The following YWHAQ variants were observed in gnomAD, a reference collection of about 807,000 sequenced individuals.
YWHAQ encodes tyrosine 3-monooxygenase/tryptophan 5-monooxygenase activation protein theta.
YWHAQ carries 6 observed loss-of-function variants against 28.3 expected under a neutral mutation model. The observed-to-expected ratio is 0.21, with a 90% CI of 0.12 to 0.42. The LOEUF is 0.42. Ranked by LOEUF, YWHAQ falls within the 10% of genes least tolerant of loss-of-function variation. The pLI, the probability that YWHAQ is intolerant of heterozygous loss-of-function variation, is 1.00. For synonymous variants in YWHAQ, 143 were observed against 119.1 expected (o/e 1.20, Z -1.31); for missense variants, 201 against 305.6 (o/e 0.66, Z 2.55).
intron 2 of YWHAQ, among the ~76,000 whole-genome samples, chr2:9,614,223 T>C (rs1433352003): frequency 6.6e-6 from 1 of 152,190 alleles, no homozygotes; most frequent in Non-Finnish European, 1.5e-5. Context: ...ACATACTACA[T>C]TCCAAATCTG....
chr2:9,602,670 T>A (rs1572993810), intron 2 of YWHAQ, among the ~76,000 whole-genome samples: 2 of 150,528 alleles, frequency 1.3e-5, no homozygotes, highest in African/African-American at 4.9e-5. Context: ...TTAGCCCTAC[T>A]ATAGGCACAG....
intron 2 of YWHAQ, among the ~76,000 whole-genome samples, chr2:9,617,209 G>A (rs1480972330): frequency 1.3e-5 from 2 of 151,016 alleles, no homozygotes; most frequent in Admixed American, 6.6e-5. Context: ...TGATCCGCCC[G>A]CCTCGGCCTC....
intron 2 of YWHAQ, among the ~76,000 whole-genome samples, chr2:9,616,299 T>TTTG (rs1210676363): frequency 6.6e-6 from 1 of 152,038 alleles, no homozygotes; most frequent in African/African-American, 2.4e-5. Flanking sequence ...CCTCACTCCA[T>TTTG]ATGCAAAAAG....
At chr2:9,591,899 A>G (rs1325142125) in intron 2 of YWHAQ, among the ~76,000 whole-genome samples, 1 of 152,252 alleles carries the variant, frequency 6.6e-6, no homozygotes, top group African/African-American at 2.4e-5. Flanking sequence ...ACCGTCTGTA[A>G]GTACACCAAC....
chr2:9,609,137 C>T (rs1381598876), intron 2 of YWHAQ, among the ~76,000 whole-genome samples: 1 of 152,114 alleles, frequency 6.6e-6, no homozygotes, highest in African/African-American at 2.4e-5. Flanking sequence ...AGGGTTACTA[C>T]AGGATTTTCT....
At chr2:9,605,972 A>C (rs1167409315) in intron 2 of YWHAQ, among the ~76,000 whole-genome samples, 1 of 152,164 alleles carries the variant, frequency 6.6e-6, no homozygotes, top group Non-Finnish European at 1.5e-5. Context: ...CCATTTAGTA[A>C]GCGCTCTGAG....
At chr2:9,623,648 C>T (rs1667189275) in intron 2 of YWHAQ, among the ~76,000 whole-genome samples, 2 of 152,158 alleles carry the variant, frequency 1.3e-5, no homozygotes, top group South Asian at 4.1e-4. Context: ...TGGTGCATGC[C>T]TGTAATCCCA....
Position 9,630,134 on chromosome 2 carries a change from C to G in YWHAQ, c.294+25G>C, listed in dbSNP as rs1208900543. The G allele has an allele frequency of 6.3e-7, 1 of 1,599,166 alleles. No individual in the cohort carries two copies. Among genetic ancestry groups the G allele is most frequent in the Non-Finnish European group, 8.6e-7 (1 of 1,169,532 alleles). On this transcript the variant is annotated intron_variant, in intron 2 of 5. Transcript: ENST00000238081. This position sits in a 1 kb window ranked among gnomAD's most constrained non-coding sequence, Gnocchi z 5.6. ...GAAAAGCATCTCACAAAAGGCCTCC[C>G]CTGCTCCCCGCGCCGAGGACTCACC...
intron 2 of YWHAQ, among the ~76,000 whole-genome samples, chr2:9,606,013 C>T (rs1666819753): frequency 6.7e-6 from 1 of 149,728 alleles, no homozygotes; most frequent in Admixed American, 6.7e-5. Context: ...TTAATAGCTG[C>T]CTCATTCTAT....
rs1207098855 is a variant in YWHAQ, at chr2:9,584,120, G to A, written c.*1166C>T. On this transcript the variant is annotated 3_prime_UTR_variant, in exon 6 of 6. Coordinates refer to ENST00000238081, the MANE Select transcript of YWHAQ (RefSeq NM_006826.4). Reference sequence around the variant, plus strand: ...TTTTATACACTTCCAGGCATCCCTAGACAAGTGTGTCACAATGCACAATGT... The same window carrying A: ...TTTTATACACTTCCAGGCATCCCTAAACAAGTGTGTCACAATGCACAATGT... The A allele has an allele frequency of 6.6e-6, 1 of 152,534 alleles. No homozygotes were observed. Among genetic ancestry groups the A allele is most frequent in the Non-Finnish European group, 1.5e-5 (1 of 68,030 alleles). The allele number at this position is 152,534 out of a possible 1,614,324, so 9.4% of individuals were successfully genotyped here. A position where few individuals can be genotyped will look rare whatever the true frequency, so the allele number is the denominator to read the frequency against.
intron 2 of YWHAQ, among the ~76,000 whole-genome samples, chr2:9,605,241 A>G (rs1009883876): frequency 6.6e-6 from 1 of 151,138 alleles, no homozygotes; most frequent in Non-Finnish European, 1.5e-5. Flanking sequence ...AGGCTCGAGT[A>G]ATCCTCCCAC....
chr2:9,623,378 T>A (rs1667180898), intron 2 of YWHAQ, among the ~76,000 whole-genome samples: 1 of 152,224 alleles, frequency 6.6e-6, no homozygotes, highest in South Asian at 2.1e-4. Flanking sequence ...AAATTCCACT[T>A]CGAGAACTTA....
intron 2 of YWHAQ, among the ~76,000 whole-genome samples, chr2:9,594,836 T>A (rs924870685): frequency 1.3e-5 from 2 of 152,210 alleles, no homozygotes; most frequent in African/African-American, 4.8e-5. Context: ...GAAATTTCCA[T>A]TCTAGCACTA....
intron 2 of YWHAQ, among the ~76,000 whole-genome samples, chr2:9,606,247 T>A (rs1003553772): frequency 1.3e-5 from 2 of 152,150 alleles, no homozygotes; most frequent in African/African-American, 4.8e-5. Flanking sequence ...AACATCTTTC[T>A]GAACCCAGTG....
chr2:9,608,766 T>C (rs1558547365), intron 2 of YWHAQ, among the ~76,000 whole-genome samples: 1 of 152,114 alleles, frequency 6.6e-6, no homozygotes, highest in Non-Finnish European at 1.5e-5. Flanking sequence ...CTGGCCAACA[T>C]GGCGAAACCC....
chr2:9,615,151 C>T (rs553857372), intron 2 of YWHAQ: 8 of 152,250 alleles, frequency 5.3e-5, no homozygotes, highest in South Asian at 2.1e-4. Context: ...ACTTAGGAAA[C>T]CGGTAAACTC....
intron 5 of YWHAQ, 150 bp from the exon 6 acceptor site, chr2:9,585,495 A>G: frequency 1.2e-6 from 1 of 831,652 alleles, no homozygotes; most frequent in South Asian, 1.7e-5. Context: ...TCAAAACCCC[A>G]AAGACCATCA....
intron 2 of YWHAQ, among the ~76,000 whole-genome samples, chr2:9,594,601 C>T (rs975428270): frequency 6.6e-6 from 1 of 152,130 alleles, no homozygotes; most frequent in African/African-American, 2.4e-5. Context: ...AGTAAGATGC[C>T]TCTCACTTTT....
intron 4 of YWHAQ, 58 bp downstream of exon 4, chr2:9,588,107 T>C: frequency 6.8e-7 from 1 of 1,475,258 alleles, no homozygotes. Context: ...TAAATTAACA[T>C]ACCTGGTATC....
Sources: gnomAD v4.1 joint callset for allele counts (sites outside exome capture counted in the v4.1 genomes callset) on GRCh38, gnomAD v4.1.1 for gene constraint, Gnocchi (gnomAD v3.1) non-coding constraint, MANE v1.5 for transcripts, NCBI Gene and HGNC (gene_info 2026-07-23, HGNC 2026-07-21) for gene names.